The following GPC6 variants were observed in gnomAD, a reference collection of about 807,000 sequenced individuals.
GPC6 encodes glypican-6.
GPC6 carries 14 observed loss-of-function variants against 55.2 expected under a neutral mutation model. The observed-to-expected ratio is 0.25, with a 90% CI of 0.17 to 0.40. The LOEUF is 0.40. Ranked by LOEUF, GPC6 falls within the 10% of genes least tolerant of loss-of-function variation. The pLI is 1.00. For synonymous variants in GPC6, 278 were observed against 259.6 expected, an observed-to-expected ratio of 1.07 and a Z score of -0.68; for missense variants, 641 against 708.5, an observed-to-expected ratio of 0.90 and a Z score of 1.08.
chr13:93,822,442 AATT>A (rs1233048724), intron 2 of GPC6, among the ~76,000 whole-genome samples: 3 of 152,060 alleles, frequency 2.0e-5, no homozygotes, highest in Non-Finnish European at 2.9e-5. Flanking sequence ...CACACATGAA[AATT>A]ATTATTATTA....
intron 1 of GPC6, among the ~76,000 whole-genome samples, chr13:93,426,619 T>G (rs1480611099): frequency 6.6e-6 from 1 of 152,066 alleles, no homozygotes; most frequent in Non-Finnish European, 1.5e-5. Context: ...TGCCACATTT[T>G]CTTAATCCGG....
chr13:93,848,024 AG>A (rs1309511299), intron 3 of GPC6, among the ~76,000 whole-genome samples: 14 of 152,270 alleles, frequency 9.2e-5, no homozygotes, highest in Non-Finnish European at 1.2e-4. Context: ...TTGGTCTAGC[AG>A]TTTTTTGAAC....
chr13:94,027,518 A>G (rs1882946863), intron 3 of GPC6, among the ~76,000 whole-genome samples: 1 of 152,058 alleles, frequency 6.6e-6, no homozygotes, highest in Non-Finnish European at 1.5e-5. Flanking sequence ...CTGAATTACA[A>G]TGACATCGAT....
chr13:93,574,691 C>A (rs866018822), intron 2 of GPC6, among the ~76,000 whole-genome samples: 1 of 152,194 alleles, frequency 6.6e-6, no homozygotes, highest in Non-Finnish European at 1.5e-5. Context: ...TTCCATTACC[C>A]CCCAAAAATC....
At chr13:93,389,293 C>G (rs995633401) in intron 1 of GPC6, among the ~76,000 whole-genome samples, 1 of 151,580 alleles carries the variant, frequency 6.6e-6, no homozygotes, top group Non-Finnish European at 1.5e-5. Flanking sequence ...GTCAGGAGAT[C>G]GAGACCATCC....
intron 4 of GPC6, among the ~76,000 whole-genome samples, chr13:94,033,186 A>C (rs910779074): frequency 6.6e-6 from 1 of 152,236 alleles, no homozygotes; most frequent in Non-Finnish European, 1.5e-5. Context: ...CTAATTCAGT[A>C]ATTTAAAAAT....
chr13:93,849,770 G>A (rs1344475618), intron 3 of GPC6, among the ~76,000 whole-genome samples: 1 of 152,066 alleles, frequency 6.6e-6, no homozygotes, highest in Non-Finnish European at 1.5e-5. Context: ...GGGTATACCA[G>A]TAGTTTCATA....
Position 94,369,382 on chromosome 13 carries a change from C to G in GPC6, c.1153-13032C>G, listed in dbSNP as rs557891911. Among the ~76,000 whole-genome samples the G allele has an allele frequency of 8.5e-5, 13 of 152,272 alleles. No individual in the cohort carries two copies. The South Asian group carries it at 2.7e-3, about 32-fold the overall frequency. ...GGGTCCAGGGTAGATGGACTTGGGG[C>G]CTCCTGTGGGTAGGTAGACAGCCAT... On this transcript the variant is annotated intron_variant, in intron 6 of 8. Transcript: ENST00000377047.
intron 4 of GPC6, chr13:94,186,947 T>G (rs1889215067): frequency 6.6e-6 from 1 of 152,246 alleles, no homozygotes; most frequent in Non-Finnish European, 1.5e-5. Flanking sequence ...CAGAGCTCTC[T>G]CTCTCCTTTC....
chr13:93,677,215 T>C (rs1881667780), intron 2 of GPC6, among the ~76,000 whole-genome samples: 1 of 152,162 alleles, frequency 6.6e-6, no homozygotes, highest in Non-Finnish European at 1.5e-5. Context: ...TAATATGTTC[T>C]AAGCCATTGC....
intron 2 of GPC6, among the ~76,000 whole-genome samples, chr13:93,788,322 T>G (rs1162242765): frequency 6.6e-6 from 1 of 152,068 alleles, no homozygotes; most frequent in African/African-American, 2.4e-5. Context: ...AAGCCTCTTT[T>G]ATAGGGGCCT....
At chr13:93,302,051 T>G (rs1047579288) in intron 1 of GPC6, among the ~76,000 whole-genome samples, 1 of 152,212 alleles carries the variant, frequency 6.6e-6, no homozygotes, top group Non-Finnish European at 1.5e-5. Context: ...AGATCACAAT[T>G]GGGTCACTGT....
chr13:93,281,789 G>A (rs747930121), intron 1 of GPC6, among the ~76,000 whole-genome samples: 4 of 152,136 alleles, frequency 2.6e-5, no homozygotes, highest in African/African-American at 9.7e-5. Flanking sequence ...GTACTCCAGC[G>A]TGGGCGACGG....
At chr13:93,885,282 G>A (rs1348428696) in intron 3 of GPC6, among the ~76,000 whole-genome samples, 2 of 149,756 alleles carry the variant, frequency 1.3e-5, no homozygotes, top group Non-Finnish European at 3.0e-5. Flanking sequence ...TGGGTGCCTG[G>A]TTTCCTTGAT....
At chr13:93,453,663 A>T (rs558471337) in intron 1 of GPC6, among the ~76,000 whole-genome samples, 39 of 151,254 alleles carry the variant, frequency 2.6e-4, no homozygotes, top group African/African-American at 9.5e-4. Context: ...TCAGGAGTGA[A>T]GCTGCAGACC....
intron 1 of GPC6, among the ~76,000 whole-genome samples, chr13:93,455,806 C>G (rs970920703): frequency 3.9e-5 from 6 of 152,106 alleles, no homozygotes; most frequent in Non-Finnish European, 7.4e-5. Flanking sequence ...TCCCTCGAGA[C>G]CCCTAGTACT....
At chr13:93,897,485 C>G (rs949776012) in intron 3 of GPC6, among the ~76,000 whole-genome samples, 5 of 151,992 alleles carry the variant, frequency 3.3e-5, no homozygotes, top group Admixed American at 2.0e-4. Flanking sequence ...TGAAACAATT[C>G]AACATCTTTA....
intron 3 of GPC6, among the ~76,000 whole-genome samples, chr13:93,853,818 G>A (rs1888505035): frequency 6.6e-6 from 1 of 151,538 alleles, no homozygotes; most frequent in African/African-American, 2.4e-5. Context: ...TTTAATATTT[G>A]TGTTATTGTT....
At chr13:93,889,468 A>G (rs1875536674) in intron 3 of GPC6, among the ~76,000 whole-genome samples, 1 of 152,130 alleles carries the variant, frequency 6.6e-6, no homozygotes, top group Non-Finnish European at 1.5e-5. Flanking sequence ...CAGTTTTGGA[A>G]AGGAAACAAG....
Sources: gnomAD v4.1 joint callset for allele counts (sites outside exome capture counted in the v4.1 genomes callset) on GRCh38, gnomAD v4.1.1 for gene constraint, MANE v1.5 for transcripts, NCBI Gene and HGNC (gene_info 2026-07-23, HGNC 2026-07-21) for gene names.